Variants in ITPK1 observed in about 807,000 individuals in gnomAD.
ITPK1 encodes inositol 1,3,4-trisphosphate 5/6-kinase.
In ITPK1, 21 loss-of-function variants were observed where a neutral mutation model predicts 45.3. That is an observed-to-expected ratio of 0.46 (90% confidence interval 0.33 to 0.67). The LOEUF is 0.67. ITPK1 is among the 30% of genes least tolerant of loss of function. ITPK1 has a pLI of 0.02. For synonymous variants in ITPK1, 258 were observed against 253.6 expected (o/e 1.02, Z -0.16); for missense variants, 474 against 573.5 (o/e 0.83, Z 1.77).
At chr14:93,104,875 AC>A (rs5810620) in intron 2 of ITPK1, among the ~76,000 whole-genome samples, 23,124 of 152,114 alleles carry the variant, frequency 0.15, 2,171 homozygotes, top group South Asian at 0.28. Context: ...GCCCAGAGTG[AC>A]CCCAGGCTAA....
At chr14:92,993,514 T>C (rs12435423) in intron 5 of ITPK1, among the ~76,000 whole-genome samples, 13,834 of 152,198 alleles carry the variant, frequency 0.091, 689 homozygotes, top group East Asian at 0.23. Flanking sequence ...CAGTTTCTGT[T>C]TGTGTCCTCC....
At chr14:93,054,066 A>G (rs1029965139) in intron 3 of ITPK1, among the ~76,000 whole-genome samples, 2 of 152,174 alleles carry the variant, frequency 1.3e-5, no homozygotes, top group South Asian at 2.1e-4. Context: ...CATGCATCCA[A>G]CCCTGACTGA....
In ITPK1 at chr14:92,958,206, G is replaced by A; in HGVS notation, c.665C>T (p.Thr222Ile). 6.2e-7 allele frequency: 1 copy of A among 1,614,160 alleles called. No homozygotes were observed. Reference protein sequence around the residue: ...RPSLKNFSAGTSDRESIFFNS... With the variant: ...RPSLKNFSAGISDRESIFFNS... Reference sequence around the variant, plus strand: ...ATGGTGAGAAGAGCAGTTACCTGATGTGCCTGCGGAGAAGTTCTTGAGTGA... The same window carrying A: ...ATGGTGAGAAGAGCAGTTACCTGATATGCCTGCGGAGAAGTTCTTGAGTGA... Residue 222 changes from threonine to isoleucine, a missense_variant, in exon 8 of 11, where the codon ACA becomes ATA. Thr to Ile is a moderately conservative substitution (Grantham distance 89). This residue lies in a region of ITPK1 where 367 missense variants were observed against 480.6 expected (regional missense o/e 0.76). Transcript: ENST00000267615. This position sits in a 1 kb window ranked among gnomAD's most constrained non-coding sequence, Gnocchi z 4.4.
Position 92,957,663 on chromosome 14 carries a change from G to A in ITPK1, c.670+538C>T, listed in dbSNP as rs985006202. On this transcript the variant is annotated intron_variant, in intron 8 of 10. Transcript: ENST00000267615. ...AAACACGCTCACTGGCACGGTAGGA[G>A]TCCTGCACCTAAGAAGACCTGTAAC... Among the ~76,000 whole-genome samples, 5 of 152,238 alleles carry A rather than the reference G, an allele frequency of 3.3e-5. No homozygotes were observed. The East Asian group carries it at 7.7e-4, about 23-fold the overall frequency.
rs1326872605 is a variant in ITPK1, at chr14:92,970,949, A to T, written c.365-8100T>A. 2.0e-5 allele frequency among the ~76,000 whole-genome samples: 3 copies of T among 152,036 alleles called. No individual in the cohort carries two copies. The East Asian group carries it at 5.8e-4, about 29-fold the overall frequency. On this transcript the variant is annotated intron_variant, in intron 5 of 10. Transcript: ENST00000267615. ...CGGGCCAGCCTTACAGCATCTTTTG[A>T]AAGTGGGGGTTGGAGTGAAACCCAC...
intron 2 of ITPK1, among the ~76,000 whole-genome samples, chr14:93,112,733 C>T (rs889996121): frequency 4.0e-5 from 6 of 151,858 alleles, no homozygotes; most frequent in South Asian, 4.2e-4. Context: ...ACACGGCACC[C>T]GGCCCAAAGC....
chr14:92,970,385 G>T (rs1290902980), intron 5 of ITPK1, among the ~76,000 whole-genome samples: 1 of 152,234 alleles, frequency 6.6e-6, no homozygotes, highest in African/African-American at 2.4e-5. Context: ...GATGCCCTCA[G>T]GGGAGGAGGC....
chr14:92,940,895 G>C lies in ITPK1; in HGVS notation c.*666C>G, dbSNP rs1171033109. 21 of 1,288,484 alleles carry C rather than the reference G, an allele frequency of 1.6e-5. 1 individual carries two copies. The South Asian group carries it at 1.7e-4, about 11-fold the overall frequency. 79.8% of individuals were successfully genotyped at this position (1,288,484 alleles called of 1,614,324 possible). A position where few individuals can be genotyped will look rare whatever the true frequency, so the allele number is the denominator to read the frequency against. ...GCAGGGCTAAATGGGACGTGTGTTG[G>C]GGGGCCCAGAGGACGCCCAGCTTCC... On this transcript the variant is annotated 3_prime_UTR_variant, in exon 11 of 11. Transcript: ENST00000267615.
intron 3 of ITPK1, among the ~76,000 whole-genome samples, chr14:93,053,818 TA>T (rs1280967762): frequency 1.3e-5 from 2 of 152,134 alleles, no homozygotes; most frequent in Non-Finnish European, 2.9e-5. Flanking sequence ...TAGAGTCTAT[TA>T]AAAATCAATC....
rs138679848 is a variant in ITPK1 at position 93,024,688 on chromosome 14, T to C, written c.121-7887A>G. Among the ~76,000 whole-genome samples the C allele has an allele frequency of 3.3e-3, 507 of 152,298 alleles. 2 individuals carry two copies. Among genetic ancestry groups the C allele is most frequent in the African/African-American group, 0.011 (469 of 41,560 alleles). ...GAGCAAATGACAGACCTAATCTCCT[T>C]AGCACATAATCTCCATGTCCTTAGG... On this transcript the variant is annotated intron_variant, in intron 3 of 10. Transcript: ENST00000267615.
At position 93,014,348 on chromosome 14, in the gene ITPK1, CTGGGCTG is replaced by C. The variant is rs1219179287; in HGVS notation, c.246+2321_246+2327del. On this transcript the variant is annotated intron_variant, in intron 4 of 10. Transcript: ENST00000267615. This position sits in a 1 kb window ranked among gnomAD's most constrained non-coding sequence, Gnocchi z 4.4. ...CATTCACTGTTTGGACATCACTTGCCTGGGCTGTGGGCTGTGTGTGTGTCTGGGAAGT... is the reference window on the plus strand; with the variant it reads ...CATTCACTGTTTGGACATCACTTGCCTGGGCTGTGTGTGTGTCTGGGAAGT... 6.6e-6 allele frequency among the ~76,000 whole-genome samples: 1 copy of C among 152,184 alleles called. No individual in the cohort carries two copies. The highest frequency in any genetic ancestry group is 6.5e-5 in the Admixed American group (1 of 15,280).
intron 4 of ITPK1, among the ~76,000 whole-genome samples, chr14:93,010,141 T>C (rs1024848792): frequency 1.3e-5 from 2 of 152,144 alleles, no homozygotes; most frequent in African/African-American, 4.8e-5. Context: ...GGGCCCATGG[T>C]TCTTACTCTG....
chr14:93,051,825 C>A (rs573500640), intron 3 of ITPK1, among the ~76,000 whole-genome samples: 168 of 152,368 alleles, frequency 1.1e-3, no homozygotes, highest in African/African-American at 4.0e-3. Flanking sequence ...GGAAGCCCTT[C>A]CATTGTAACG....
At chr14:93,008,877 G>A (rs1277580436) in intron 4 of ITPK1, among the ~76,000 whole-genome samples, 2 of 152,240 alleles carry the variant, frequency 1.3e-5, no homozygotes, top group East Asian at 3.8e-4. Flanking sequence ...CTCTTGGTGT[G>A]TGATTCCAAA....
Position 92,962,818 on chromosome 14 carries a change from C to G in ITPK1, c.396G>C (p.Glu132Asp), listed in dbSNP as rs750469605. The G allele has an allele frequency of 1.2e-6, 2 of 1,613,836 alleles. No homozygotes were observed. Among genetic ancestry groups the G allele is most frequent in the South Asian group, 1.1e-5 (1 of 91,082 alleles). The change falls in exon 6 of 11, where the codon GAG becomes GAC. Residue 132 changes from glutamate to aspartate, a missense_variant. By Grantham distance (45) the Glu-to-Asp change is conservative. Around this residue, in one of 2 missense-constraint regions of ITPK1, gnomAD observed 367 missense variants for 480.6 expected, o/e 0.76. Coordinates refer to ENST00000267615, the MANE Select transcript of ITPK1 (RefSeq NM_014216.6). The part of the protein sequence containing the change: ...DDRICSPPFM[E>D]LTSLCGDDTM... ...TGTCATCCCCGCACAGGCTCGTGAG[C>G]TCCATGAAGGGTGGCGAGCAGATCC...
intron 3 of ITPK1, among the ~76,000 whole-genome samples, chr14:93,029,773 C>T (rs1270435188): frequency 1.3e-5 from 2 of 152,224 alleles, no homozygotes; most frequent in African/African-American, 2.4e-5. Context: ...CCTTCCTCTA[C>T]AGCCAAGCAT....
intron 3 of ITPK1, among the ~76,000 whole-genome samples, chr14:93,074,820 G>A (rs1317249536): frequency 1.3e-5 from 2 of 152,124 alleles, no homozygotes; most frequent in African/African-American, 2.4e-5. Flanking sequence ...ATCTAACCCC[G>A]TGATGAGATG....
chr14:93,101,337 C>A (rs1208356602), intron 2 of ITPK1, among the ~76,000 whole-genome samples: 1 of 152,210 alleles, frequency 6.6e-6, no homozygotes, highest in Non-Finnish European at 1.5e-5. Context: ...AATCTCTGTA[C>A]CTCTGGACTC....
At chr14:93,007,479 TCA>T (rs1011016901) in intron 4 of ITPK1, among the ~76,000 whole-genome samples, 2 of 152,112 alleles carry the variant, frequency 1.3e-5, no homozygotes, top group African/African-American at 2.4e-5. Context: ...CAAATGTGAC[TCA>T]CAGCCAGCAG....
Sources: gnomAD v4.1 joint callset for allele counts (sites outside exome capture counted in the v4.1 genomes callset) on GRCh38, gnomAD v4.1.1 for gene constraint, gnomAD v4.1.1 regional missense constraint, Gnocchi (gnomAD v3.1) non-coding constraint, MANE v1.5 for transcripts, NCBI Gene and HGNC (gene_info 2026-07-23, HGNC 2026-07-21) for gene names.